The following PTPRD variants were observed in gnomAD, a reference collection of about 807,000 sequenced individuals.
The protein encoded by PTPRD is protein tyrosine phosphatase receptor type D.
Under a neutral mutation model 214.5 loss-of-function variants are expected in PTPRD, and 34 were observed. The observed-to-expected ratio is 0.16, with a 90% confidence interval of 0.12 to 0.21. The LOEUF (loss-of-function observed/expected upper bound fraction) is 0.21, where lower values mean the gene tolerates loss of function less well. PTPRD is among the 10% of genes least tolerant of loss of function. The pLI is 1.00. For missense variants in PTPRD, 2,545 were observed against 2,398.7 expected (o/e 1.06, Z -1.27); for synonymous variants, 1,128 against 845.7 (o/e 1.33, Z -5.79).
chr9:9,008,261 C>A (rs552833303), intron 11 of PTPRD, among the ~76,000 whole-genome samples: 34 of 103,416 alleles, frequency 3.3e-4, no homozygotes, highest in Admixed American at 1.4e-3. Context: ...CAGAGTCTCA[C>A]TCTGTTGCCC....
intron 14 of PTPRD, among the ~76,000 whole-genome samples, chr9:8,536,408 TAC>T (rs138968657): frequency 0.016 from 2,459 of 151,940 alleles, 52 homozygotes; most frequent in African/African-American, 0.055. Flanking sequence ...TATACATACA[TAC>T]ACACACACAT....
chr9:9,935,816 G>A (rs1468644976), intron 5 of PTPRD, among the ~76,000 whole-genome samples: 1 of 149,110 alleles, frequency 6.7e-6, no homozygotes, highest in Non-Finnish European at 1.5e-5. Context: ...CACACTACCT[G>A]ACTTCAAACT....
At chr9:8,425,271 T>C (rs10977084) in intron 35 of PTPRD, among the ~76,000 whole-genome samples, 37,078 of 152,136 alleles carry the variant, frequency 0.24, 5,470 homozygotes, top group Non-Finnish European at 0.32. Flanking sequence ...GACATAAACA[T>C]AGACGTACTC....
At chr9:10,305,479 A>T (rs1469992680) in intron 3 of PTPRD, among the ~76,000 whole-genome samples, 1 of 151,990 alleles carries the variant, frequency 6.6e-6, no homozygotes, top group Non-Finnish European at 1.5e-5. Flanking sequence ...CAGAGTGAAC[A>T]GGCAACCTAC....
At chr9:9,277,104 T>A (rs1945947885) in intron 9 of PTPRD, among the ~76,000 whole-genome samples, 2 of 151,438 alleles carry the variant, frequency 1.3e-5, no homozygotes, top group African/African-American at 4.8e-5. Flanking sequence ...TATTTTTATC[T>A]CCTCTCCTAA....
intron 10 of PTPRD, among the ~76,000 whole-genome samples, chr9:9,162,589 T>A (rs1264335871): frequency 1.3e-5 from 2 of 152,164 alleles, no homozygotes; most frequent in East Asian, 3.9e-4. Flanking sequence ...CTGTAAATTC[T>A]CCACCCTCCA....
At chr9:9,312,417 A>G (rs1454530283) in intron 9 of PTPRD, among the ~76,000 whole-genome samples, 1 of 152,132 alleles carries the variant, frequency 6.6e-6, no homozygotes, top group African/African-American at 2.4e-5. Context: ...GAATAACATC[A>G]TTTTGTTCAA....
chr9:8,880,176 C>T (rs1425955349), intron 11 of PTPRD, among the ~76,000 whole-genome samples: 1 of 151,910 alleles, frequency 6.6e-6, no homozygotes, highest in Admixed American at 6.6e-5. Flanking sequence ...CTGAGAAAAC[C>T]CACAATATAT....
intron 12 of PTPRD, among the ~76,000 whole-genome samples, chr9:8,679,509 A>G (rs1050403671): frequency 1.3e-5 from 2 of 152,234 alleles, no homozygotes; most frequent in African/African-American, 2.4e-5. Flanking sequence ...AATTTTACAC[A>G]GGATGCACTG....
chr9:8,330,407 T>A (rs1838987678), intron 44 of PTPRD, among the ~76,000 whole-genome samples: 1 of 152,202 alleles, frequency 6.6e-6, no homozygotes, highest in African/African-American at 2.4e-5. Flanking sequence ...ACAACTTTTA[T>A]ATGCACTGGG....
chr9:8,344,420 C>T (rs1855551456), intron 39 of PTPRD, among the ~76,000 whole-genome samples: 1 of 151,614 alleles, frequency 6.6e-6, no homozygotes, highest in Non-Finnish European at 1.5e-5. Context: ...ATAACTCCAA[C>T]TCTAAACAGT....
At chr9:8,324,484 T>C (rs1235742375) in intron 44 of PTPRD, among the ~76,000 whole-genome samples, 1 of 152,210 alleles carries the variant, frequency 6.6e-6, no homozygotes, top group East Asian at 1.9e-4. Context: ...CCGCATTTTC[T>C]TTATCCAATC....
rs182655635 is a variant in PTPRD at position 9,315,405 on chromosome 9, G to C, written c.-203+82044C>G. Among the ~76,000 whole-genome samples the C allele has an allele frequency of 2.0e-4, 30 of 152,060 alleles. No homozygotes were observed. The East Asian group carries it at 5.6e-3, about 28-fold the overall frequency. On this transcript the variant is annotated intron_variant, in intron 9 of 45. Transcript: ENST00000381196. ...AGTAGATATTACTATATGCCAGTAA[G>C]TTAAACACTTATCTAGGATAATTAG...
intron 12 of PTPRD, among the ~76,000 whole-genome samples, chr9:8,689,988 G>C (rs754787003): frequency 6.6e-6 from 1 of 151,690 alleles, no homozygotes; most frequent in African/African-American, 2.4e-5. Context: ...TGTGCCTGTA[G>C]TCCCAGCTAC....
chr9:8,555,756 T>C (rs770889794), intron 14 of PTPRD, among the ~76,000 whole-genome samples: 1 of 152,166 alleles, frequency 6.6e-6, no homozygotes, highest in Non-Finnish European at 1.5e-5. Context: ...GGATGCTTTG[T>C]CTACATCTAG....
intron 2 of PTPRD, among the ~76,000 whole-genome samples, chr9:10,424,521 G>C (rs1439012815): frequency 6.6e-6 from 1 of 151,886 alleles, no homozygotes; most frequent in African/African-American, 2.4e-5. Flanking sequence ...CACATCAGCA[G>C]TCAGACAGGG....
At chr9:9,137,503 C>G (rs189583406) in intron 10 of PTPRD, among the ~76,000 whole-genome samples, 15 of 152,132 alleles carry the variant, frequency 9.9e-5, no homozygotes, top group African/African-American at 3.6e-4. Context: ...ATATATAACC[C>G]CCCTCTTAAT....
chr9:9,108,626 T>C (rs1052402865), intron 10 of PTPRD, among the ~76,000 whole-genome samples: 8 of 152,110 alleles, frequency 5.3e-5, no homozygotes, highest in Non-Finnish European at 1.0e-4. Flanking sequence ...AAAAAAACAG[T>C]TGGAAAGTTA....
intron 9 of PTPRD, among the ~76,000 whole-genome samples, chr9:9,362,706 T>A (rs1242101411): frequency 6.6e-6 from 1 of 151,382 alleles, no homozygotes; most frequent in East Asian, 1.9e-4. Context: ...TAACTATCCA[T>A]TGTTTCTTTA....
Sources: allele counts gnomAD v4.1 joint callset (sites outside exome capture counted in the v4.1 genomes callset), GRCh38; gene constraint gnomAD v4.1.1; transcripts MANE v1.5; gene names NCBI Gene and HGNC (gene_info 2026-07-23, HGNC 2026-07-21).